Variants in CAMTA1 observed in about 807,000 individuals in gnomAD.
The protein encoded by CAMTA1 is calmodulin binding transcription activator 1, also known as calmodulin-binding transcription activator 1.
CAMTA1 carries 27 observed loss-of-function variants against 170.9 expected under a neutral mutation model. The ratio of observed to expected loss-of-function variants is 0.16; its 90% CI spans 0.12 to 0.22. The LOEUF (loss-of-function observed/expected upper bound fraction) is 0.22. Among genes scored for constraint, CAMTA1 ranks in the 10% least tolerant of loss-of-function variants. The pLI is 1.00. For synonymous variants in CAMTA1, 833 were observed against 891.5 expected (o/e 0.93, Z 1.17); for missense variants, 1,619 against 2,217.2 (o/e 0.73, Z 5.42).
At chr1:7,651,493 G>A (rs529826186) in intron 7 of CAMTA1, among the ~76,000 whole-genome samples, 40 of 152,374 alleles carry the variant, frequency 2.6e-4, no homozygotes, top group South Asian at 1.0e-3. Flanking sequence ...GTTCTCACCC[G>A]TTCCAGGAGC....
At chr1:7,152,562 G>T (rs994407796) in intron 4 of CAMTA1, among the ~76,000 whole-genome samples, 3 of 152,226 alleles carry the variant, frequency 2.0e-5, no homozygotes, top group Non-Finnish European at 4.4e-5. Flanking sequence ...AAAACAGGGA[G>T]GTTGCCAAGG....
At chr1:7,025,367 C>T (rs769156445) in intron 3 of CAMTA1, among the ~76,000 whole-genome samples, 9 of 152,194 alleles carry the variant, frequency 5.9e-5, no homozygotes, top group South Asian at 2.1e-4. Flanking sequence ...ATCATCAGGG[C>T]GCACAGGCAA....
intron 3 of CAMTA1, among the ~76,000 whole-genome samples, chr1:7,062,213 C>T (rs1377823777): frequency 6.6e-6 from 1 of 152,124 alleles, no homozygotes; most frequent in African/African-American, 2.4e-5. Context: ...TCACCGCCCC[C>T]GGCGGTCCCA....
chr1:7,342,570 T>C (rs913520532), intron 5 of CAMTA1, among the ~76,000 whole-genome samples: 10 of 152,188 alleles, frequency 6.6e-5, no homozygotes, highest in African/African-American at 1.9e-4. Context: ...ATGGTGGCCC[T>C]TGAAGAGTGG....
chr1:7,029,510 A>C (rs1365190017), intron 3 of CAMTA1, among the ~76,000 whole-genome samples: 1 of 151,040 alleles, frequency 6.6e-6, no homozygotes, highest in East Asian at 1.9e-4. Context: ...AAAAAAAAAA[A>C]AAAATCAAGG....
At chr1:6,922,036 A>C (rs910364012) in intron 3 of CAMTA1, among the ~76,000 whole-genome samples, 1 of 152,236 alleles carries the variant, frequency 6.6e-6, no homozygotes, top group African/African-American at 2.4e-5. Flanking sequence ...AAAGGAAAGA[A>C]TATTTTGACA....
At chr1:7,496,345 CAG>C (rs575141027) in intron 6 of CAMTA1, among the ~76,000 whole-genome samples, 94 of 152,160 alleles carry the variant, frequency 6.2e-4, no homozygotes, top group Admixed American at 9.8e-4. Context: ...GGCCTGCAGA[CAG>C]GGATTTGAAC....
At chr1:7,231,350 T>TGTGTGAGA (rs112268253) in intron 4 of CAMTA1, among the ~76,000 whole-genome samples, 4 of 141,106 alleles carry the variant, frequency 2.8e-5, no homozygotes, top group African/African-American at 1.1e-4. Flanking sequence ...TGTGTGTGTG[T>TGTGTGAGA]GAGAGAGAGA....
In CAMTA1 at chr1:6,879,509, G is replaced by A. The variant is rs182551350; in HGVS notation, c.234+54299G>A. Among the ~76,000 whole-genome samples the A allele has an allele frequency of 2.0e-3, 301 of 152,236 alleles. 1 individual carries two copies. Among genetic ancestry groups the A allele is most frequent in the African/African-American group, 7.0e-3 (290 of 41,546 alleles). ...GCATTTTACATGTGGAATTTGAACC[G>A]GACTATGAAATCTATTTCTTCTCTA... On this transcript the variant is annotated intron_variant, in intron 3 of 22. Transcript: ENST00000303635.
At chr1:7,312,629 A>G (rs1406050259) in intron 5 of CAMTA1, among the ~76,000 whole-genome samples, 1 of 152,248 alleles carries the variant, frequency 6.6e-6, no homozygotes, top group Non-Finnish European at 1.5e-5. Context: ...GCCTGGAACC[A>G]GAACTGCTTC....
chr1:7,143,279 G>A (rs1285680810), intron 4 of CAMTA1, among the ~76,000 whole-genome samples: 1 of 152,172 alleles, frequency 6.6e-6, no homozygotes, highest in Non-Finnish European at 1.5e-5. Flanking sequence ...ATGGTATACA[G>A]GTAGCAGCCT....
intron 6 of CAMTA1, among the ~76,000 whole-genome samples, chr1:7,524,835 C>T (rs1460262553): frequency 6.6e-6 from 1 of 152,070 alleles, no homozygotes; most frequent in South Asian, 2.1e-4. Context: ...GTTTTTGACT[C>T]GCAATCCTGT....
intron 3 of CAMTA1, among the ~76,000 whole-genome samples, chr1:6,943,475 C>G (rs2149440865): frequency 6.6e-6 from 1 of 152,268 alleles, no homozygotes; most frequent in Admixed American, 6.5e-5. Flanking sequence ...CAACTCTGCC[C>G]TTTCCTCCCT....
chr1:7,031,600 T>C (rs1572562981), intron 3 of CAMTA1, among the ~76,000 whole-genome samples: 1 of 152,128 alleles, frequency 6.6e-6, no homozygotes, highest in Non-Finnish European at 1.5e-5. Context: ...AGTGCAGTGG[T>C]GCAATCTTGG....
chr1:7,038,761 TG>T (rs1292376416), intron 3 of CAMTA1, among the ~76,000 whole-genome samples: 2 of 152,226 alleles, frequency 1.3e-5, no homozygotes, highest in Non-Finnish European at 2.9e-5. Context: ...TAACAAAGGC[TG>T]GGCGTGGTGG....
intron 5 of CAMTA1, among the ~76,000 whole-genome samples, chr1:7,297,107 C>G (rs529691888): frequency 2.0e-5 from 3 of 152,174 alleles, no homozygotes; most frequent in Non-Finnish European, 4.4e-5. Flanking sequence ...AATAATTTCT[C>G]CCTGCCCAAA....
At chr1:7,746,581 C>G (rs904916400) in intron 18 of CAMTA1, among the ~76,000 whole-genome samples, 3 of 152,174 alleles carry the variant, frequency 2.0e-5, no homozygotes, top group East Asian at 1.9e-4. Context: ...AAGGGCCCAT[C>G]CATGGTTAGG....
intron 3 of CAMTA1, among the ~76,000 whole-genome samples, chr1:7,073,881 C>T (rs1233501977): frequency 6.6e-6 from 1 of 152,156 alleles, no homozygotes; most frequent in Admixed American, 6.5e-5. Flanking sequence ...GGAATAGTAA[C>T]GTTTCTTAAC....
chr1:7,290,581 C>T (rs1033683473), intron 5 of CAMTA1, among the ~76,000 whole-genome samples: 1 of 152,176 alleles, frequency 6.6e-6, no homozygotes, highest in Non-Finnish European at 1.5e-5. Context: ...CCACCCCCCC[C>T]ATGCACGTAT....
Sources: gnomAD v4.1 joint callset for allele counts (sites outside exome capture counted in the v4.1 genomes callset) on GRCh38, gnomAD v4.1.1 for gene constraint, MANE v1.5 for transcripts, NCBI Gene and HGNC (gene_info 2026-07-23, HGNC 2026-07-21) for gene names.